BANK1: variants seen among roughly 807,000 people sequenced by gnomAD.
The protein encoded by BANK1 is B cell scaffold protein with ankyrin repeats 1.
BANK1 carries 95 observed loss-of-function variants against 94.5 expected under a neutral mutation model. The ratio of observed to expected loss-of-function variants is 1.00; its 90% CI spans 0.85 to 1.19. The LOEUF (loss-of-function observed/expected upper bound fraction) is 1.19. Ranked by LOEUF, BANK1 falls within the 50% of genes most tolerant of loss-of-function variation. The pLI, the probability that BANK1 is intolerant of heterozygous loss-of-function variation, is 0.00. For missense variants in BANK1, 987 were observed against 932.2 expected, an observed-to-expected ratio of 1.06 and a Z score of -0.77; for synonymous variants, 334 against 308.4, an observed-to-expected ratio of 1.08 and a Z score of -0.87.
intron 14 of BANK1, 63 bp downstream of exon 14, chr4:102,071,367 C>G: frequency 1.4e-6 from 2 of 1,473,410 alleles, no homozygotes; most frequent in Non-Finnish European, 1.9e-6. Flanking sequence ...AAATCAATTT[C>G]AATATTAATG....
At chr4:101,912,857 C>A (rs959463996) in intron 6 of BANK1, among the ~76,000 whole-genome samples, 1 of 152,020 alleles carries the variant, frequency 6.6e-6, no homozygotes, top group East Asian at 1.9e-4. Flanking sequence ...ATTATCAAAT[C>A]ATTTAATATT....
At chr4:102,000,560 T>G (rs1387567511) in intron 7 of BANK1, among the ~76,000 whole-genome samples, 1 of 152,132 alleles carries the variant, frequency 6.6e-6, no homozygotes, top group Admixed American at 6.6e-5. Flanking sequence ...ATTTAACAAA[T>G]ATTACTTTTG....
chr4:101,859,733 T>A (rs1038749391), intron 3 of BANK1, among the ~76,000 whole-genome samples: 3 of 152,204 alleles, frequency 2.0e-5, no homozygotes, highest in Non-Finnish European at 4.4e-5. Context: ...TGTTAAAGTG[T>A]CATATTTTTA....
At chr4:102,069,496 T>C (rs1728690986) in intron 13 of BANK1, among the ~76,000 whole-genome samples, 1 of 152,232 alleles carries the variant, frequency 6.6e-6, no homozygotes, top group African/African-American at 2.4e-5. Context: ...GAACTGGATA[T>C]GCATTGTATG....
intron 13 of BANK1, among the ~76,000 whole-genome samples, chr4:102,064,356 T>TAAGA (rs886700919): frequency 3.3e-5 from 5 of 152,136 alleles, no homozygotes; most frequent in East Asian, 1.9e-4. Flanking sequence ...CTAATATGAG[T>TAAGA]AAGATTAAAA....
intron 6 of BANK1, among the ~76,000 whole-genome samples, chr4:101,914,721 T>C (rs185592581): frequency 2.6e-5 from 4 of 152,256 alleles, no homozygotes; most frequent in Non-Finnish European, 4.4e-5. Context: ...CAAAGTGAAC[T>C]CACCATCAAC....
At chr4:101,991,922 T>C (rs573235864) in intron 7 of BANK1, among the ~76,000 whole-genome samples, 1 of 152,294 alleles carries the variant, frequency 6.6e-6, no homozygotes, top group African/African-American at 2.4e-5. Context: ...CATGAAATAC[T>C]CACCACCACC....
intron 6 of BANK1, among the ~76,000 whole-genome samples, chr4:101,906,206 A>G (rs906385859): frequency 2.6e-5 from 4 of 152,348 alleles, no homozygotes; most frequent in Admixed American, 6.5e-5. Flanking sequence ...GAATCATCCA[A>G]CTGGAAACAG....
chr4:101,965,576 C>T (rs1285785075), intron 7 of BANK1, among the ~76,000 whole-genome samples: 1 of 152,086 alleles, frequency 6.6e-6, no homozygotes, highest in East Asian at 1.9e-4. Context: ...ACTGAAAAAA[C>T]TAGGCATACA....
intron 1 of BANK1, among the ~76,000 whole-genome samples, chr4:101,828,447 C>A (rs1481053145): frequency 6.7e-6 from 1 of 149,308 alleles, no homozygotes. Context: ...AAGATATAGA[C>A]CATATCCAGA....
At chr4:101,934,016 C>T (rs544253545) in intron 7 of BANK1, among the ~76,000 whole-genome samples, 3 of 151,506 alleles carry the variant, frequency 2.0e-5, no homozygotes, top group African/African-American at 4.8e-5. Context: ...ACTGCAACCA[C>T]GTAAATATTG....
intron 13 of BANK1, among the ~76,000 whole-genome samples, chr4:102,066,056 G>T (rs1450389766): frequency 6.6e-6 from 1 of 152,094 alleles, no homozygotes; most frequent in African/African-American, 2.4e-5. Context: ...CTTGCATATT[G>T]CTGAAAAAAC....
At chr4:101,928,449 A>C (rs1723234960) in intron 7 of BANK1, among the ~76,000 whole-genome samples, 2 of 151,796 alleles carry the variant, frequency 1.3e-5, no homozygotes, top group South Asian at 2.1e-4. Context: ...TCAGACATTA[A>C]GGTCCATTCA....
chr4:101,898,233 T>C (rs1050926502), intron 6 of BANK1, among the ~76,000 whole-genome samples: 1 of 152,022 alleles, frequency 6.6e-6, no homozygotes, highest in Non-Finnish European at 1.5e-5. Flanking sequence ...GATCCAATAG[T>C]CTTGGATCAA....
At chr4:102,008,998 C>G (rs1479816225) in intron 7 of BANK1, among the ~76,000 whole-genome samples, 1 of 152,218 alleles carries the variant, frequency 6.6e-6, no homozygotes, top group Non-Finnish European at 1.5e-5. Context: ...GCCCCAGTAG[C>G]TTCATCAGCA....
intron 10 of BANK1, among the ~76,000 whole-genome samples, chr4:102,035,419 C>T (rs918371379): frequency 2.0e-5 from 3 of 152,018 alleles, no homozygotes; most frequent in South Asian, 2.1e-4. Flanking sequence ...GAGGCCGAGG[C>T]GGGCGGATCA....
chr4:101,827,974 ACTCTT>A (rs1726429579), intron 1 of BANK1, among the ~76,000 whole-genome samples: 1 of 151,512 alleles, frequency 6.6e-6, no homozygotes, highest in Admixed American at 6.6e-5. Flanking sequence ...TGTTAGTCTG[ACTCTT>A]CTCTTATTCT....
At chr4:101,975,110 T>C (rs1460634287) in intron 7 of BANK1, among the ~76,000 whole-genome samples, 5 of 152,164 alleles carry the variant, frequency 3.3e-5, no homozygotes, top group Non-Finnish European at 7.4e-5. Flanking sequence ...TTTTCAGAGA[T>C]GTCAGTGGAA....
At chr4:101,971,063 G>A (rs917312179) in intron 7 of BANK1, among the ~76,000 whole-genome samples, 4 of 152,030 alleles carry the variant, frequency 2.6e-5, no homozygotes, top group African/African-American at 9.7e-5. Context: ...AATTTGAACT[G>A]TACTATGAAT....
Sources: gnomAD v4.1 joint callset for allele counts (sites outside exome capture counted in the v4.1 genomes callset) on GRCh38, gnomAD v4.1.1 for gene constraint, MANE v1.5 for transcripts, NCBI Gene and HGNC (gene_info 2026-07-23, HGNC 2026-07-21) for gene names.